Variants in PARD3 observed in about 807,000 individuals in gnomAD.
The protein encoded by PARD3 is partitioning defective 3 homolog.
In PARD3, 75 loss-of-function variants were observed where a neutral mutation model predicts 155.4. The observed-to-expected ratio is 0.48, with a 90% CI of 0.40 to 0.58. The LOEUF is 0.58. Ranked by LOEUF, PARD3 falls within the 20% of genes least tolerant of loss-of-function variation. The probability of loss-of-function intolerance (pLI) is 0.00; values close to 1 mark genes in which losing one functional copy is unlikely to be tolerated. For missense variants in PARD3, 1,642 were observed against 1,721.7 expected, an observed-to-expected ratio of 0.95 and a Z score of 0.82; for synonymous variants, 576 against 610.5, an observed-to-expected ratio of 0.94 and a Z score of 0.83.
intron 2 of PARD3, among the ~76,000 whole-genome samples, chr10:34,586,294 A>C (rs1374079530): frequency 6.6e-6 from 1 of 152,230 alleles, no homozygotes; most frequent in Non-Finnish European, 1.5e-5. Flanking sequence ...AATTTGAATA[A>C]GCACCAAGAG....
At chr10:34,353,713 A>C (rs1020569263) in intron 14 of PARD3, among the ~76,000 whole-genome samples, 21 of 103,130 alleles carry the variant, frequency 2.0e-4, no homozygotes, top group African/African-American at 1.1e-3. Flanking sequence ...AATGATCAAT[A>C]AATAAATAAA....
At chr10:34,555,683 G>A (rs903367416) in intron 2 of PARD3, among the ~76,000 whole-genome samples, 2 of 152,102 alleles carry the variant, frequency 1.3e-5, no homozygotes, top group Non-Finnish European at 2.9e-5. Flanking sequence ...TTAATCCTAT[G>A]TATCTTATAA....
intron 14 of PARD3, among the ~76,000 whole-genome samples, chr10:34,348,670 T>C (rs1473630386): frequency 6.6e-6 from 1 of 152,238 alleles, no homozygotes; most frequent in African/African-American, 2.4e-5. Context: ...AAATTCCTCC[T>C]GCTAGAAATT....
At chr10:34,421,158 C>T (rs1774749) in intron 5 of PARD3, among the ~76,000 whole-genome samples, 40,197 of 152,032 alleles carry the variant, frequency 0.26, 6,588 homozygotes, top group East Asian at 0.4. Context: ...GGCAACAAAG[C>T]AAGATCACAT....
At chr10:34,492,235 A>T (rs1207596850) in intron 3 of PARD3, among the ~76,000 whole-genome samples, 1 of 152,214 alleles carries the variant, frequency 6.6e-6, no homozygotes, top group Non-Finnish European at 1.5e-5. Context: ...AAGAAGAGTC[A>T]TCCAGGATGA....
intron 22 of PARD3, among the ~76,000 whole-genome samples, chr10:34,179,649 T>C (rs1022247240): frequency 2.0e-5 from 3 of 152,226 alleles, no homozygotes; most frequent in Non-Finnish European, 4.4e-5. Flanking sequence ...TACCATATGC[T>C]TGGCTGTATC....
At chr10:34,756,416 G>C (rs1836736946) in intron 1 of PARD3, among the ~76,000 whole-genome samples, 1 of 143,020 alleles carries the variant, frequency 7.0e-6, no homozygotes, top group South Asian at 2.2e-4. Context: ...GCCTCCCAAA[G>C]TGCTGGGATT....
intron 2 of PARD3, among the ~76,000 whole-genome samples, chr10:34,643,716 G>A (rs1341268614): frequency 6.6e-6 from 1 of 152,130 alleles, no homozygotes; most frequent in Non-Finnish European, 1.5e-5. Context: ...AGGAGTTAAA[G>A]GTTGGCCTGG....
chr10:34,474,155 G>A (rs1564752911), intron 3 of PARD3, among the ~76,000 whole-genome samples: 2 of 152,126 alleles, frequency 1.3e-5, no homozygotes, highest in African/African-American at 4.8e-5. Flanking sequence ...ACAGAGCAAG[G>A]CCCTGTCAGT....
intron 5 of PARD3, among the ~76,000 whole-genome samples, chr10:34,433,848 T>C (rs1214440804): frequency 1.3e-5 from 2 of 152,184 alleles, no homozygotes; most frequent in African/African-American, 2.4e-5. Context: ...ATGGTTACGC[T>C]AGGCTGCAAA....
Position 34,784,455 on chromosome 10 carries a change from TTG to T in PARD3, c.120+30419_120+30420del, listed in dbSNP as rs201947184. Among the ~76,000 whole-genome samples, 56 of 130,408 alleles carry T rather than the reference TTG, an allele frequency of 4.3e-4. 1 individual carries two copies. Among genetic ancestry groups the T allele is most frequent in the Admixed American group, 1.8e-3 (24 of 13,364 alleles). 85.6% of individuals were successfully genotyped at this position (130,408 alleles called of 152,430 possible). On this transcript the variant is annotated intron_variant, in intron 1 of 24. Coordinates refer to ENST00000374788, the MANE Select transcript of PARD3 (RefSeq NM_001184785.2). ...ATTTTCCAACATACTTTTTTTTTTT[TTG>T]GAGACGGAGTCTCACTCTGTCGCCC...
At chr10:34,659,871 A>G (rs1373483073) in intron 2 of PARD3, among the ~76,000 whole-genome samples, 1 of 152,170 alleles carries the variant, frequency 6.6e-6, no homozygotes, top group Non-Finnish European at 1.5e-5. Context: ...AGGGCCTTCA[A>G]TGGTAGGTAC....
intron 2 of PARD3, among the ~76,000 whole-genome samples, chr10:34,590,720 C>T (rs1414072182): frequency 6.6e-6 from 1 of 152,152 alleles, no homozygotes; most frequent in African/African-American, 2.4e-5. Context: ...AGAATCCTTC[C>T]TGAAATGGTT....
At chr10:34,358,896 G>C (rs535512959) in intron 14 of PARD3, among the ~76,000 whole-genome samples, 1 of 152,274 alleles carries the variant, frequency 6.6e-6, no homozygotes, top group East Asian at 1.9e-4. Context: ...AGCTAAAGGG[G>C]CTTTTGAGAT....
intron 3 of PARD3, among the ~76,000 whole-genome samples, chr10:34,496,304 T>G (rs1261128173): frequency 2.0e-5 from 3 of 151,974 alleles, no homozygotes; most frequent in Non-Finnish European, 4.4e-5. Context: ...ATGAACTGTA[T>G]ACCTCAGAGT....
chr10:34,695,799 G>A (rs542120999), intron 2 of PARD3, among the ~76,000 whole-genome samples: 10 of 151,602 alleles, frequency 6.6e-5, no homozygotes, highest in East Asian at 1.9e-4. Flanking sequence ...ATGGCCCATC[G>A]CACAGCAAGG....
intron 17 of PARD3, 96 bp from the exon 18 acceptor site, chr10:34,336,339 C>T: frequency 1.2e-6 from 1 of 831,430 alleles, no homozygotes; most frequent in Non-Finnish European, 2.0e-6. Flanking sequence ...GGTGACGATC[C>T]TCAGCTAATA....
chr10:34,398,430 C>T (rs1018237096), intron 7 of PARD3, among the ~76,000 whole-genome samples: 2 of 151,798 alleles, frequency 1.3e-5, no homozygotes, highest in African/African-American at 4.8e-5. Flanking sequence ...CACTTTTTCG[C>T]ACCATGTAAA....
chr10:34,686,434 CT>C (rs2093954726), intron 2 of PARD3, among the ~76,000 whole-genome samples: 1 of 95,686 alleles, frequency 1.0e-5, no homozygotes, highest in African/African-American at 3.0e-5. Context: ...TAAGAACTCC[CT>C]TAAAAAAAAA....
Sources: gnomAD v4.1 joint callset for allele counts (sites outside exome capture counted in the v4.1 genomes callset) on GRCh38, gnomAD v4.1.1 for gene constraint, MANE v1.5 for transcripts, NCBI Gene and HGNC (gene_info 2026-07-23, HGNC 2026-07-21) for gene names.